The following SPAG16 variants were observed in gnomAD, a reference collection of about 807,000 sequenced individuals.
SPAG16 encodes sperm associated antigen 16.
In SPAG16, 86 loss-of-function variants were observed where a neutral mutation model predicts 80.4. The ratio of observed to expected loss-of-function variants is 1.07; its 90% confidence interval spans 0.90 to 1.28. SPAG16 has a LOEUF of 1.28. Among genes scored for constraint, SPAG16 ranks in the 50% most tolerant of loss-of-function variants. SPAG16 has a pLI of 0.00. For missense variants in SPAG16, 870 were observed against 765.3 expected, an observed-to-expected ratio of 1.14 and a Z score of -1.61; for synonymous variants, 294 against 265.9, an observed-to-expected ratio of 1.11 and a Z score of -1.03.
chr2:214,330,401 G>A (rs2372254), intron 15 of SPAG16, among the ~76,000 whole-genome samples: 121,637 of 152,146 alleles, frequency 0.8, 48,818 homozygotes, highest in African/African-American at 0.84. Context: ...TGGAAATGTT[G>A]CAGGAAAATG....
chr2:213,364,832 A>G (rs1307310218), intron 8 of SPAG16: 1 of 152,262 alleles, frequency 6.6e-6, no homozygotes, highest in African/African-American at 2.4e-5. Context: ...GAAGTTAAGT[A>G]GTGATGCGAA....
At chr2:214,203,522 G>A (rs72944057) in intron 15 of SPAG16, among the ~76,000 whole-genome samples, 27,912 of 152,078 alleles carry the variant, frequency 0.18, 2,964 homozygotes, top group Middle Eastern at 0.26. Context: ...GGGGATCATC[G>A]GCCTGAACAC....
intron 13 of SPAG16, among the ~76,000 whole-genome samples, chr2:214,058,515 A>AT (rs1354510418): frequency 3.3e-5 from 5 of 152,186 alleles, no homozygotes; most frequent in Non-Finnish European, 7.3e-5. Context: ...CATAACAGAT[A>AT]TAATAATAAT....
At chr2:213,852,387 A>G (rs947396020) in intron 10 of SPAG16, among the ~76,000 whole-genome samples, 1 of 152,174 alleles carries the variant, frequency 6.6e-6, no homozygotes, top group Admixed American at 6.5e-5. Flanking sequence ...AAACCGTGAA[A>G]TGATCTTAGG....
At chr2:213,779,481 T>C (rs2069809686) in intron 10 of SPAG16, among the ~76,000 whole-genome samples, 1 of 152,224 alleles carries the variant, frequency 6.6e-6, no homozygotes, top group Admixed American at 6.5e-5. Flanking sequence ...CCCTCTTCTA[T>C]ATTTTGGTTT....
chr2:214,087,826 T>C (rs1358720903), intron 13 of SPAG16, among the ~76,000 whole-genome samples: 1 of 151,992 alleles, frequency 6.6e-6, no homozygotes, highest in Non-Finnish European at 1.5e-5. Context: ...CTTGCCCTTT[T>C]TTGGAAGCTG....
At chr2:213,566,147 G>T (rs1297140833) in intron 10 of SPAG16, among the ~76,000 whole-genome samples, 1 of 152,116 alleles carries the variant, frequency 6.6e-6, no homozygotes, top group African/African-American at 2.4e-5. Flanking sequence ...TGGGTTGCTG[G>T]AGTGAAGGAG....
At position 213,910,701 on chromosome 2, in the gene SPAG16, A is replaced by G. The variant is rs1347302274; in HGVS notation, c.1215-19259A>G. On this transcript the variant is annotated intron_variant, in intron 11 of 15. Transcript: ENST00000331683. ...GACAGGGTTTCACCGTGTTAGCCAG[A>G]ATGGTCTCGATCTCCTGACCTCGTG... Among the ~76,000 whole-genome samples the G allele has an allele frequency of 5.9e-5, 2 of 34,110 alleles. 1 individual carries two copies. The highest frequency in any genetic ancestry group is 1.1e-4 in the African/African-American group (2 of 18,258). 22.4% of individuals were successfully genotyped at this position (34,110 alleles called of 152,430 possible).
intron 15 of SPAG16, among the ~76,000 whole-genome samples, chr2:214,329,333 T>C (rs913162889): frequency 5.3e-5 from 8 of 152,240 alleles, no homozygotes; most frequent in Non-Finnish European, 2.9e-5. Context: ...GTTTCTAACT[T>C]GTCTTCATTA....
intron 15 of SPAG16, among the ~76,000 whole-genome samples, chr2:214,360,824 A>G (rs533250770): frequency 1.4e-3 from 212 of 152,004 alleles, no homozygotes; most frequent in African/African-American, 4.8e-3. Context: ...CCCAAAATAT[A>G]TGAGACTCAA....
chr2:214,108,217 T>C lies in SPAG16; in HGVS notation c.1549T>C (p.Tyr517His), dbSNP rs767031651. The C allele has an allele frequency of 1.9e-6, 3 of 1,601,728 alleles. No homozygotes were observed. Among genetic ancestry groups the C allele is most frequent in the Non-Finnish European group, 2.6e-6 (3 of 1,170,918 alleles). Residue 517 changes from tyrosine (Y) to histidine (H), a missense_variant, in exon 14 of 16, where the codon TAT becomes CAT. By Grantham distance (83) the Tyr-to-His change is moderately conservative (BLOSUM62 2). Coordinates refer to ENST00000331683, the MANE Select transcript of SPAG16 (RefSeq NM_024532.5). ...ARTGICEQSLYGHMHSINDAI... is the reference protein window; with the variant it reads ...ARTGICEQSLHGHMHSINDAI... ...CTAGGGTATATGTGAGCAGTCACTTTATGGTCACATGCATTCTATCAATGA... is the reference window on the plus strand; with the variant it reads ...CTAGGGTATATGTGAGCAGTCACTTCATGGTCACATGCATTCTATCAATGA...
At chr2:214,288,358 C>T (rs1213542517) in intron 15 of SPAG16, among the ~76,000 whole-genome samples, 2 of 152,094 alleles carry the variant, frequency 1.3e-5, no homozygotes, top group Non-Finnish European at 2.9e-5. Flanking sequence ...CATATCTTTG[C>T]TATTGTGAAT....
At chr2:213,935,317 C>T (rs2078943099) in intron 12 of SPAG16, among the ~76,000 whole-genome samples, 2 of 151,852 alleles carry the variant, frequency 1.3e-5, no homozygotes, top group African/African-American at 2.4e-5. Context: ...GAATACTTTT[C>T]AGGTGATATG....
intron 13 of SPAG16, among the ~76,000 whole-genome samples, chr2:214,027,623 A>G (rs1251097472): frequency 6.6e-6 from 1 of 151,868 alleles, no homozygotes; most frequent in Non-Finnish European, 1.5e-5. Flanking sequence ...ATCTGTGTCC[A>G]CTTTCCCCCA....
At chr2:213,763,380 A>G (rs1012545467) in intron 10 of SPAG16, among the ~76,000 whole-genome samples, 5 of 152,218 alleles carry the variant, frequency 3.3e-5, no homozygotes, top group Non-Finnish European at 5.9e-5. Flanking sequence ...CAATGATACA[A>G]TGTGGATGAA....
chr2:213,637,319 A>G (rs1183012998), intron 10 of SPAG16, among the ~76,000 whole-genome samples: 1 of 151,966 alleles, frequency 6.6e-6, no homozygotes, highest in Admixed American at 6.5e-5. Flanking sequence ...GATCTTTTTG[A>G]TATGCTGTTA....
intron 11 of SPAG16, among the ~76,000 whole-genome samples, chr2:213,916,266 A>G (rs2077962205): frequency 6.6e-6 from 1 of 152,160 alleles, no homozygotes; most frequent in Admixed American, 6.5e-5. Flanking sequence ...TTAAGTCTTT[A>G]ATCCATCATG....
chr2:214,258,395 G>T (rs1376534820), intron 15 of SPAG16, among the ~76,000 whole-genome samples: 1 of 151,452 alleles, frequency 6.6e-6, no homozygotes, highest in Non-Finnish European at 1.5e-5. Context: ...CTCCATCCAA[G>T]TTGCTGCAAA....
intron 9 of SPAG16, among the ~76,000 whole-genome samples, chr2:213,431,060 T>G (rs73986841): frequency 7.8e-4 from 119 of 152,252 alleles, no homozygotes; most frequent in African/African-American, 2.8e-3. Context: ...CTAGAAATGC[T>G]CAAATGAGTT....
Sources: gnomAD v4.1 joint callset for allele counts (sites outside exome capture counted in the v4.1 genomes callset) on GRCh38, gnomAD v4.1.1 for gene constraint, MANE v1.5 for transcripts, NCBI Gene and HGNC (gene_info 2026-07-23, HGNC 2026-07-21) for gene names.